The following MAST4 variants were observed in gnomAD, a reference collection of about 807,000 sequenced individuals.
MAST4 encodes microtubule-associated serine/threonine-protein kinase 4.
MAST4 carries 89 observed loss-of-function variants against 162.7 expected under a neutral mutation model. That is an observed-to-expected ratio of 0.55 (90% CI 0.46 to 0.65). The LOEUF is 0.65. Ranked by LOEUF, MAST4 falls within the 30% of genes least tolerant of loss-of-function variation. The pLI is 0.00. For synonymous variants in MAST4, 1,479 were observed against 1,361.1 expected, an observed-to-expected ratio of 1.09 and a Z score of -1.91; for missense variants, 3,153 against 3,374.0, an observed-to-expected ratio of 0.93 and a Z score of 1.62.
At chr5:66,797,977 A>G (rs541022519) in intron 3 of MAST4, among the ~76,000 whole-genome samples, 1 of 152,332 alleles carries the variant, frequency 6.6e-6, no homozygotes, top group East Asian at 1.9e-4. Context: ...TCTGCACCCT[A>G]GAATACCACC....
chr5:67,064,326 G>T (rs774783871), intron 5 of MAST4, among the ~76,000 whole-genome samples: 13 of 152,254 alleles, frequency 8.5e-5, no homozygotes, highest in East Asian at 3.9e-4. Context: ...CAATGAGGGA[G>T]GCGTCCATCT....
intron 1 of MAST4, among the ~76,000 whole-genome samples, chr5:66,747,520 G>A (rs781335867): frequency 2.2e-4 from 33 of 152,154 alleles, no homozygotes; most frequent in Non-Finnish European, 4.0e-4. Flanking sequence ...AATAGTTTGG[G>A]TAAATTGATG....
At chr5:66,790,588 A>G (rs900700261) in intron 3 of MAST4, among the ~76,000 whole-genome samples, 15 of 152,062 alleles carry the variant, frequency 9.9e-5, no homozygotes, top group African/African-American at 3.4e-4. Context: ...TTTTTTGCCC[A>G]GGCTGGAATA....
chr5:67,163,520 G>A lies in MAST4; in HGVS notation c.4341G>A (p.Glu1447=). ...CGCTGCTCAAGCGCGTGCAGTCCGA[G>A]GAGAAGCTGTCGCCCTCTTACGGCA... ...RSPLLKRVQS[E]EKLSPSYGSD... Residue 1447 remains glutamate, a synonymous_variant, in exon 29 of 29, where the codon GAG becomes GAA. Transcript: ENST00000403625. The surrounding 1 kb of genome is among the most constrained non-coding windows in gnomAD (Gnocchi z 7.0). 1.2e-6 allele frequency: 2 copies of A among 1,609,514 alleles called. No homozygotes were observed. The highest frequency in any genetic ancestry group is 1.1e-5 in the South Asian group (1 of 90,402).
At chr5:66,873,612 G>A (rs1761094267) in intron 3 of MAST4, among the ~76,000 whole-genome samples, 1 of 152,206 alleles carries the variant, frequency 6.6e-6, no homozygotes, top group Admixed American at 6.5e-5. Flanking sequence ...TTGTATGTTA[G>A]GCTTTGTCAT....
intron 22 of MAST4, 87 bp from the exon 23 acceptor site, chr5:67,145,057 C>A: frequency 8.4e-7 from 1 of 1,193,248 alleles, no homozygotes; most frequent in Non-Finnish European, 1.2e-6. Context: ...TTATCCAAGT[C>A]CGATTTTCAC....
chr5:67,058,798 A>G (rs992326712), intron 5 of MAST4, among the ~76,000 whole-genome samples: 4 of 152,246 alleles, frequency 2.6e-5, no homozygotes, highest in Non-Finnish European at 4.4e-5. Flanking sequence ...AGCGAATAAG[A>G]AAGTAGGGAA....
chr5:67,074,455 G>T (rs1761356043), intron 5 of MAST4, among the ~76,000 whole-genome samples: 1 of 152,016 alleles, frequency 6.6e-6, no homozygotes, highest in South Asian at 2.1e-4. Flanking sequence ...TATAATTTAA[G>T]GAAATAATCA....
intron 3 of MAST4, among the ~76,000 whole-genome samples, chr5:66,823,828 G>T (rs1396586934): frequency 2.6e-5 from 4 of 151,962 alleles, no homozygotes; most frequent in Admixed American, 2.0e-4. Context: ...AGTGAAACAT[G>T]TGGGAAAATA....
intron 3 of MAST4, among the ~76,000 whole-genome samples, chr5:66,874,558 C>A (rs1205778280): frequency 1.3e-5 from 2 of 152,150 alleles, no homozygotes; most frequent in Admixed American, 6.5e-5. Context: ...AGCATCTGAT[C>A]AATTTCAAAA....
chr5:66,731,352 A>G (rs1384516228), intron 1 of MAST4, among the ~76,000 whole-genome samples: 1 of 152,176 alleles, frequency 6.6e-6, no homozygotes, highest in East Asian at 1.9e-4. Context: ...TGATAGTTTA[A>G]TTACATCACC....
At chr5:67,093,291 C>T (rs1764067697) in intron 6 of MAST4, among the ~76,000 whole-genome samples, 2 of 152,142 alleles carry the variant, frequency 1.3e-5, no homozygotes, top group Non-Finnish European at 2.9e-5. Flanking sequence ...TCAAAAAAGG[C>T]TTGTTGCATT....
At chr5:66,969,647 C>G (rs1281535688) in intron 4 of MAST4, among the ~76,000 whole-genome samples, 1 of 152,116 alleles carries the variant, frequency 6.6e-6, no homozygotes, top group Non-Finnish European at 1.5e-5. Context: ...CCATGGCTGC[C>G]TGAATCCCCC....
chr5:66,788,197 C>G (rs538166792), intron 2 of MAST4, among the ~76,000 whole-genome samples: 432 of 152,264 alleles, frequency 2.8e-3, no homozygotes, highest in Non-Finnish European at 4.2e-3. Flanking sequence ...GGAGAGGCAC[C>G]AGCCCCATTT....
intron 3 of MAST4, among the ~76,000 whole-genome samples, chr5:66,840,246 T>C (rs1416215268): frequency 3.3e-5 from 5 of 152,180 alleles, no homozygotes; most frequent in African/African-American, 1.2e-4. Context: ...TCATTTTATA[T>C]TTTTATCTTA....
At chr5:67,128,849 G>A (rs1167186247) in intron 14 of MAST4, among the ~76,000 whole-genome samples, 1 of 152,146 alleles carries the variant, frequency 6.6e-6, no homozygotes, top group Admixed American at 6.6e-5. Context: ...ATTGATGGCT[G>A]TTCAGGTAAA....
At chr5:67,103,547 G>C (rs895488872) in intron 9 of MAST4, among the ~76,000 whole-genome samples, 7 of 152,194 alleles carry the variant, frequency 4.6e-5, no homozygotes, top group Non-Finnish European at 1.0e-4. Flanking sequence ...GAGTCTCCCT[G>C]CATATATAAT....
chr5:66,834,354 A>G (rs1757811597), intron 3 of MAST4, among the ~76,000 whole-genome samples: 1 of 152,178 alleles, frequency 6.6e-6, no homozygotes, highest in African/African-American at 2.4e-5. Context: ...CTTAGGTAAA[A>G]GGACACAGCC....
intron 1 of MAST4, among the ~76,000 whole-genome samples, chr5:66,733,774 T>C (rs1341215851): frequency 2.6e-5 from 4 of 152,138 alleles, no homozygotes; most frequent in African/African-American, 9.7e-5. Flanking sequence ...GTGTTTTTTT[T>C]TTAAAGTGAA....
Sources: gnomAD v4.1 joint callset for allele counts (sites outside exome capture counted in the v4.1 genomes callset) on GRCh38, gnomAD v4.1.1 for gene constraint, Gnocchi (gnomAD v3.1) non-coding constraint, MANE v1.5 for transcripts, NCBI Gene and HGNC (gene_info 2026-07-23, HGNC 2026-07-21) for gene names.